The following CENPW variants were observed in gnomAD, a reference collection of about 807,000 sequenced individuals.
CENPW encodes cancer-up-regulated gene 2 protein.
CENPW carries 3 observed loss-of-function variants against 11.1 expected under a neutral mutation model. The ratio of observed to expected loss-of-function variants is 0.27; its 90% confidence interval spans 0.12 to 0.70. CENPW has a LOEUF of 0.70. Among genes scored for constraint, CENPW ranks in the 30% least tolerant of loss-of-function variants. CENPW has a pLI of 0.77. For synonymous variants in CENPW, 38 were observed against 42.0 expected (o/e 0.91, Z 0.37); for missense variants, 100 against 105.6 (o/e 0.95, Z 0.23).
the CENPW span, among the ~76,000 whole-genome samples, chr6:126,377,461 A>G: frequency 6.6e-6 from 1 of 152,170 alleles, no homozygotes; most frequent in African/African-American, 2.4e-5. Flanking sequence ...CTTAATTTTT[A>G]AGATGTGATT....
At chr6:126,406,269 A>C in the CENPW span, among the ~76,000 whole-genome samples, 1 of 151,904 alleles carries the variant, frequency 6.6e-6, no homozygotes, top group Admixed American at 6.6e-5. Context: ...TAAATGTTAA[A>C]CATCCTTGCT....
chr6:126,470,259 C>T, the CENPW span, among the ~76,000 whole-genome samples: 1 of 152,206 alleles, frequency 6.6e-6, no homozygotes, highest in African/African-American at 2.4e-5. Context: ...ATCCCAGCCA[C>T]TCCAGCTCCA....
the CENPW span, among the ~76,000 whole-genome samples, chr6:126,417,886 C>T: frequency 6.6e-6 from 1 of 152,050 alleles, no homozygotes; most frequent in Admixed American, 6.6e-5. Context: ...AGACATGTAT[C>T]CAGAATATAT....
chr6:126,351,645 A>G (rs1023419799), downstream of CENPW, among the ~76,000 whole-genome samples: 1 of 152,084 alleles, frequency 6.6e-6, no homozygotes, highest in Non-Finnish European at 1.5e-5. Context: ...TAGTTTCCCC[A>G]TGTGTACATT....
the CENPW span, among the ~76,000 whole-genome samples, chr6:126,372,531 T>C: frequency 6.6e-6 from 1 of 152,160 alleles, no homozygotes; most frequent in South Asian, 2.1e-4. Context: ...AGGAAATAAA[T>C]GTAGCCAGAT....
the CENPW span, among the ~76,000 whole-genome samples, chr6:126,481,187 A>C: frequency 2.0e-5 from 3 of 152,134 alleles, no homozygotes; most frequent in East Asian, 1.9e-4. Flanking sequence ...ATTTTATTGA[A>C]TATCTAGTTT....
the CENPW span, among the ~76,000 whole-genome samples, chr6:126,480,035 A>C: frequency 6.6e-6 from 1 of 152,058 alleles, no homozygotes; most frequent in Non-Finnish European, 1.5e-5. Flanking sequence ...TGTGAACCTG[A>C]GGCCCAACCC....
the CENPW span, among the ~76,000 whole-genome samples, chr6:126,368,118 C>G: frequency 6.6e-6 from 1 of 152,158 alleles, no homozygotes; most frequent in Non-Finnish European, 1.5e-5. Context: ...TCTGTGAAGG[C>G]CTTTCTTCGT....
At chr6:126,412,939 G>A in the CENPW span, among the ~76,000 whole-genome samples, 1 of 152,090 alleles carries the variant, frequency 6.6e-6, no homozygotes, top group Non-Finnish European at 1.5e-5. Context: ...GTACTACAGA[G>A]TCTCAGTGTT....
chr6:126,453,211 C>T, the CENPW span, among the ~76,000 whole-genome samples: 1 of 151,066 alleles, frequency 6.6e-6, no homozygotes, highest in East Asian at 1.9e-4. Flanking sequence ...ATGCAGACAA[C>T]CCCTGTGATA....
chr6:126,370,462 T>C, the CENPW span, among the ~76,000 whole-genome samples: 2 of 152,226 alleles, frequency 1.3e-5, no homozygotes, highest in African/African-American at 2.4e-5. Flanking sequence ...GTTTTCCTTG[T>C]AGAGGTCTTT....
the CENPW span, among the ~76,000 whole-genome samples, chr6:126,359,446 C>G: frequency 2.0e-5 from 3 of 151,994 alleles, no homozygotes; most frequent in African/African-American, 7.2e-5. Flanking sequence ...TCAAATCAGT[C>G]AAGTGTTGAG....
At chr6:126,357,730 TC>T in the CENPW span, among the ~76,000 whole-genome samples, 3 of 152,122 alleles carry the variant, frequency 2.0e-5, no homozygotes, top group Non-Finnish European at 2.9e-5. Context: ...TGCCTCAGCC[TC>T]CCAAGTAGCA....
chr6:126,378,940 C>T, the CENPW span, among the ~76,000 whole-genome samples: 3 of 151,778 alleles, frequency 2.0e-5, no homozygotes, highest in African/African-American at 7.3e-5. Context: ...AGAATTTAAC[C>T]TTCTATTGCA....
At chr6:126,394,756 G>T in the CENPW span, among the ~76,000 whole-genome samples, 1 of 151,738 alleles carries the variant, frequency 6.6e-6, no homozygotes, top group Middle Eastern at 3.4e-3. Flanking sequence ...GTTTGTCTGG[G>T]AAAGTCTTTA....
At chr6:126,453,403 A>G in the CENPW span, among the ~76,000 whole-genome samples, 75 of 151,296 alleles carry the variant, frequency 5.0e-4, no homozygotes, top group African/African-American at 1.7e-3. Flanking sequence ...TTGAGAACCT[A>G]TGTTGAGAAT....
At chr6:126,349,074 T>C (rs1313911049), downstream of CENPW, among the ~76,000 whole-genome samples, 1 of 152,066 alleles carries the variant, frequency 6.6e-6, no homozygotes, top group Non-Finnish European at 1.5e-5. Context: ...AAATGACTTA[T>C]TTTCTTCAAG....
the CENPW span, among the ~76,000 whole-genome samples, chr6:126,380,880 G>A: frequency 1.3e-5 from 2 of 152,150 alleles, no homozygotes; most frequent in Non-Finnish European, 2.9e-5. Context: ...TAATGACAAA[G>A]ATTCTCTGTT....
the CENPW span, among the ~76,000 whole-genome samples, chr6:126,392,331 T>TA: frequency 6.6e-6 from 1 of 151,980 alleles, no homozygotes; most frequent in South Asian, 2.1e-4. Context: ...GCAGTTGGCA[T>TA]AAAAAATACC....
Sources: allele counts gnomAD v4.1 joint callset (sites outside exome capture counted in the v4.1 genomes callset), GRCh38; gene constraint gnomAD v4.1.1; transcripts MANE v1.5; gene names NCBI Gene and HGNC (gene_info 2026-07-23, HGNC 2026-07-21).